The following PRKCB variants were observed in gnomAD, a reference collection of about 807,000 sequenced individuals.
The protein encoded by PRKCB is protein kinase C beta.
Under a neutral mutation model 81.5 loss-of-function variants are expected in PRKCB, and 13 were observed. The ratio of observed to expected loss-of-function variants is 0.16; its 90% CI spans 0.10 to 0.25. The LOEUF (loss-of-function observed/expected upper bound fraction) is 0.25. Among genes scored for constraint, PRKCB ranks in the 10% least tolerant of loss-of-function variants. PRKCB has a pLI of 1.00. For synonymous variants in PRKCB, 335 were observed against 321.4 expected, an observed-to-expected ratio of 1.04 and a Z score of -0.45; for missense variants, 509 against 875.7, an observed-to-expected ratio of 0.58 and a Z score of 5.29.
intron 5 of PRKCB, among the ~76,000 whole-genome samples, chr16:24,036,198 G>C (rs191606921): frequency 1.8e-3 from 269 of 150,338 alleles, no homozygotes; most frequent in Non-Finnish European, 3.0e-3. Context: ...GATGCAGTGA[G>C]AGGAGGAGCT....
intron 3 of PRKCB, among the ~76,000 whole-genome samples, chr16:24,031,782 C>T (rs1485354344): frequency 2.0e-5 from 3 of 152,092 alleles, no homozygotes; most frequent in Admixed American, 2.0e-4. Context: ...AGTCAGGAGC[C>T]CTGTTTAGAT....
chr16:23,900,469 C>T (rs987258482), intron 2 of PRKCB, among the ~76,000 whole-genome samples: 4 of 152,160 alleles, frequency 2.6e-5, no homozygotes, highest in Non-Finnish European at 4.4e-5. Context: ...ACAAGGTATA[C>T]AGTGAATAAA....
chr16:24,179,025 G>A (rs879390023), intron 12 of PRKCB, among the ~76,000 whole-genome samples: 1 of 152,144 alleles, frequency 6.6e-6, no homozygotes, highest in African/African-American at 2.4e-5. Context: ...ATATTAGATT[G>A]CTTCTTTTCA....
At chr16:24,025,005 G>A (rs1410626341) in intron 3 of PRKCB, among the ~76,000 whole-genome samples, 2 of 152,136 alleles carry the variant, frequency 1.3e-5, no homozygotes, top group East Asian at 3.8e-4. Flanking sequence ...GGTGGGTAGA[G>A]TTGGTGCCTA....
At chr16:23,918,734 T>C (rs1963781372) in intron 2 of PRKCB, among the ~76,000 whole-genome samples, 1 of 152,204 alleles carries the variant, frequency 6.6e-6, no homozygotes, top group Admixed American at 6.5e-5. Flanking sequence ...ATGAAACTAA[T>C]ATCTAATCAA....
At chr16:24,086,282 G>A (rs1164577906) in intron 5 of PRKCB, among the ~76,000 whole-genome samples, 2 of 152,116 alleles carry the variant, frequency 1.3e-5, no homozygotes, top group Admixed American at 6.5e-5. Context: ...AGGGCAGGGG[G>A]GTTCAAGCAA....
At chr16:24,011,915 A>G (rs1166751097) in intron 3 of PRKCB, among the ~76,000 whole-genome samples, 6 of 152,236 alleles carry the variant, frequency 3.9e-5, no homozygotes, top group Non-Finnish European at 8.8e-5. Flanking sequence ...AGGTTAAAAC[A>G]GTGCCTAGCA....
At chr16:23,979,524 T>C (rs1964667885) in intron 2 of PRKCB, among the ~76,000 whole-genome samples, 1 of 152,158 alleles carries the variant, frequency 6.6e-6, no homozygotes, top group South Asian at 2.1e-4. Flanking sequence ...ATTGTAAAAT[T>C]CCATGCCTGT....
At chr16:23,893,972 A>G (rs1963333418) in intron 2 of PRKCB, 1 of 152,242 alleles carries the variant, frequency 6.6e-6, no homozygotes, top group Admixed American at 6.5e-5. Context: ...GTGTCAAACA[A>G]TGACTATTTA....
chr16:24,046,757 C>T (rs1193675450), intron 5 of PRKCB, among the ~76,000 whole-genome samples: 2 of 152,170 alleles, frequency 1.3e-5, no homozygotes, highest in African/African-American at 4.8e-5. Flanking sequence ...TTGTGAGCCC[C>T]ATGGTGGGCT....
chr16:23,966,975 G>A (rs886936934), intron 2 of PRKCB, among the ~76,000 whole-genome samples: 7 of 151,878 alleles, frequency 4.6e-5, no homozygotes, highest in Admixed American at 1.3e-4. Flanking sequence ...TGTAAAAACC[G>A]TGAACTCTCC....
chr16:23,932,314 T>C (rs534969826), intron 2 of PRKCB, among the ~76,000 whole-genome samples: 2 of 152,370 alleles, frequency 1.3e-5, no homozygotes, highest in South Asian at 4.1e-4. Context: ...CTGGGTGGGA[T>C]AATGGAATTG....
At chr16:24,013,940 G>T (rs1284921526) in intron 3 of PRKCB, among the ~76,000 whole-genome samples, 2 of 152,182 alleles carry the variant, frequency 1.3e-5, no homozygotes, top group East Asian at 3.8e-4. Flanking sequence ...CAGAGTCCCC[G>T]GTGCAGATGG....
intron 3 of PRKCB, among the ~76,000 whole-genome samples, chr16:24,015,796 A>G (rs9923977): frequency 0.065 from 9,841 of 152,228 alleles, 597 homozygotes; most frequent in African/African-American, 0.16. Context: ...TAGGGAAGGT[A>G]CTCAACGAAT....
chr16:24,194,383 C>T (rs1205057943), intron 16 of PRKCB, among the ~76,000 whole-genome samples: 1 of 151,878 alleles, frequency 6.6e-6, no homozygotes, highest in Admixed American at 6.6e-5. Context: ...CTCACAATTT[C>T]TTTTATATAT....
chr16:23,919,448 G>C (rs1161637450), intron 2 of PRKCB, among the ~76,000 whole-genome samples: 1 of 150,502 alleles, frequency 6.6e-6, no homozygotes, highest in East Asian at 1.9e-4. Context: ...TAGGGTTCCT[G>C]AATATATTTT....
chr16:24,180,612 C>T (rs555614114), intron 12 of PRKCB, among the ~76,000 whole-genome samples, 178 bp from the exon 13 acceptor site: 5 of 152,248 alleles, frequency 3.3e-5, no homozygotes, highest in South Asian at 2.1e-4. Flanking sequence ...CGGAGGCTTG[C>T]GGACCTCTTT....
chr16:24,017,909 T>G (rs901405734), intron 3 of PRKCB, among the ~76,000 whole-genome samples: 2 of 147,028 alleles, frequency 1.4e-5, no homozygotes, highest in African/African-American at 5.0e-5. Flanking sequence ...TTTTTTTTTT[T>G]TTTTTTTTAG....
intron 2 of PRKCB, among the ~76,000 whole-genome samples, chr16:23,838,449 T>A (rs1962207965): frequency 6.6e-6 from 1 of 152,246 alleles, no homozygotes; most frequent in South Asian, 2.1e-4. Context: ...TTGTGTGTTA[T>A]GTTTTCTTTT....
Sources: gnomAD v4.1 joint callset for allele counts (sites outside exome capture counted in the v4.1 genomes callset) on GRCh38, gnomAD v4.1.1 for gene constraint, MANE v1.5 for transcripts, NCBI Gene and HGNC (gene_info 2026-07-23, HGNC 2026-07-21) for gene names.